GOLGA6L2: variants seen among roughly 807,000 people sequenced by gnomAD.
GOLGA6L2 encodes the protein golgin A6 family like 2.
GOLGA6L2 carries 30 observed loss-of-function variants against 35.9 expected under a neutral mutation model. The observed-to-expected ratio is 0.83, with a 90% CI of 0.62 to 1.13. The LOEUF (loss-of-function observed/expected upper bound fraction) is 1.13. Ranked by LOEUF, GOLGA6L2 falls within the 50% of genes most tolerant of loss-of-function variation. GOLGA6L2 has a pLI of 0.00. For synonymous variants in GOLGA6L2, 297 were observed against 344.0 expected, an observed-to-expected ratio of 0.86 and a Z score of 1.51; for missense variants, 821 against 973.4, an observed-to-expected ratio of 0.84 and a Z score of 2.08.
In GOLGA6L2 at chr15:23,440,639, GTCT is replaced by G. The variant is rs1290704203; in HGVS notation, c.1833_1835del (p.Glu611del). On this transcript the variant is annotated inframe_deletion, in exon 8 of 8. Transcript: ENST00000567107. Reference sequence around the variant, plus strand: ...CCATGTCTTCTTCTCCTGCTCCTGCGTCTTCTTCTCCTCCCGCATCTTCTCCTC... The same window carrying G: ...CCATGTCTTCTTCTCCTGCTCCTGCGTCTTCTCCTCCCGCATCTTCTCCTC... 7 of 1,387,330 alleles carry G rather than the reference GTCT, an allele frequency of 5.0e-6. No homozygotes were observed. The highest frequency in any genetic ancestry group is 6.9e-6 in the Non-Finnish European group (7 of 1,020,654). 85.9% of individuals were successfully genotyped at this position (1,387,330 alleles called of 1,614,324 possible).
intron 3 of GOLGA6L2, 103 bp from the exon 4 acceptor site, chr15:23,444,315 A>T (rs1427807560): frequency 1.3e-6 from 2 of 1,486,792 alleles, no homozygotes. Context: ...AGGCGCACCC[A>T]TGGGACCAGG....
rs12594944 is a variant in GOLGA6L2 at position 23,442,067 on chromosome 15, C to T, written c.704G>A (p.Arg235Gln). ...KKNAELQEKL[R>Q]LAESEKSEIQ... The stretch of plus-strand genomic sequence containing the variant: ...CTCAGACTTTTCAGATTCTGCAAGT[C>T]GAAGTTTTTCTTGTAGTTCGGCATT... Residue 235 changes from arginine to glutamine, a missense_variant, in exon 7 of 8, where the codon CGA becomes CAA. This residue lies in a region of GOLGA6L2 where 614 missense variants were observed against 632.3 expected (regional missense o/e 0.97). Coordinates refer to ENST00000567107, the MANE Select transcript of GOLGA6L2 (RefSeq NM_001304388.2). The T allele has an allele frequency of 2.4e-5, 37 of 1,544,596 alleles. No individual in the cohort carries two copies. Among genetic ancestry groups the T allele is most frequent in the Non-Finnish European group, 3.1e-5 (36 of 1,151,782 alleles).
In GOLGA6L2 at chr15:23,442,450, G is replaced by A. The variant is rs776744234; in HGVS notation, c.650C>T (p.Thr217Ile). The change falls in exon 6 of 8, where the codon ACC becomes ATC. Residue 217 changes from threonine (T) to isoleucine (I), a missense_variant and splice_region_variant. Transcript: ENST00000567107. ...DALSLELYRN[T>I]ITNEELKKKN... ...CCCATCCCACCTTCCCCCATCCTAC[G>A]TGTTCCTGTACAGTTCCAGACTCAG... is the stretch of plus-strand genomic sequence containing the variant. The A allele has an allele frequency of 1.5e-5, 23 of 1,579,934 alleles. No individual in the cohort carries two copies. The highest frequency in any genetic ancestry group is 3.3e-4 in the Middle Eastern group (2 of 5,978).
At chr15:23,442,673 T>C (rs2070709413) in intron 5 of GOLGA6L2, among the ~76,000 whole-genome samples, 165 bp from the exon 6 acceptor site, 1 of 7,022 alleles carries the variant, frequency 1.4e-4, no homozygotes, top group Non-Finnish European at 8.2e-4. Context: ...TTTTTTTTCT[T>C]TTTTTTTTTC....
chr15:23,444,489 G>A lies in GOLGA6L2; in HGVS notation c.225C>T (p.Asn75=). Residue 75 remains asparagine (N), a synonymous_variant, in exon 3 of 8, where the codon AAC becomes AAT. Coordinates refer to ENST00000567107, the MANE Select transcript of GOLGA6L2 (RefSeq NM_001304388.2). ...ACGTTACTTCTTTCAGCTGCGCTCG[G>A]TTCTGTTGTGTCTGTGGGGAGAGTC... ...GCHSPEDTQQ[N]RAQLKEEKKA... is the part of the protein sequence containing the mutation. 3 of 1,599,872 alleles carry A rather than the reference G, an allele frequency of 1.9e-6. No individual in the cohort carries two copies. The highest frequency in any genetic ancestry group is 1.1e-5 in the South Asian group (1 of 91,020).
At chr15:23,442,551 G>T in intron 5 of GOLGA6L2, 43 bp from the exon 6 acceptor site, 4 of 1,558,902 alleles carry the variant, frequency 2.6e-6, no homozygotes, top group Non-Finnish European at 3.5e-6. Flanking sequence ...GCAGGCAGAA[G>T]AGCAGCTGGC....
intron 2 of GOLGA6L2, 39 bp from the exon 3 acceptor site, chr15:23,444,539 C>T (rs775895404): frequency 2.6e-5 from 41 of 1,591,792 alleles, no homozygotes; most frequent in Non-Finnish European, 3.2e-5. Flanking sequence ...GAGGGTGGCC[C>T]CCTGGACTCT....
At chr15:23,441,764 A>C (rs2141080852) in intron 7 of GOLGA6L2, 82 bp from the exon 8 acceptor site, 1 of 1,416,314 alleles carries the variant, frequency 7.1e-7, no homozygotes, top group African/African-American at 1.4e-5. Flanking sequence ...TCTTTAAAAA[A>C]AATTTTTAAG....
At position 23,441,535 on chromosome 15, in the gene GOLGA6L2, C is replaced by T. The variant is rs1232995776; in HGVS notation, c.940G>A (p.Glu314Lys). 2.9e-6 allele frequency: 4 copies of T among 1,401,014 alleles called. No homozygotes were observed. Among genetic ancestry groups the T allele is most frequent in the Admixed American group, 2.3e-5 (1 of 44,044 alleles). The allele number at this position is 1,401,014 out of a possible 1,614,324, so 86.8% of individuals were successfully genotyped here. A position where few individuals can be genotyped will look rare whatever the true frequency, so the allele number is the denominator to read the frequency against. The change falls in exon 8 of 8, where the codon GAG (glutamate) becomes AAG (lysine). Residue 314 changes from glutamate to lysine, a missense_variant. Glu to Lys is a moderately conservative substitution (Grantham distance 56). This residue lies in a region of GOLGA6L2 where 614 missense variants were observed against 632.3 expected (regional missense o/e 0.97). Coordinates refer to ENST00000567107, the MANE Select transcript of GOLGA6L2 (RefSeq NM_001304388.2). ...CTCTTCTCCTGTCTCCGCATCTTCT[C>T]CTCCTGCTCCCGCATCTTCCCCTCC... is the stretch of plus-strand genomic sequence containing the variant. ...EQEGKMREQE[E>K]KMRRQEKRLR...
chr15:23,443,496 C>G (rs2070721862), intron 5 of GOLGA6L2, among the ~76,000 whole-genome samples: 1 of 152,142 alleles, frequency 6.6e-6, no homozygotes, highest in Non-Finnish European at 1.5e-5. Context: ...TACCTTAACC[C>G]CTGCCTAGGA....
At position 23,441,127 on chromosome 15, in the gene GOLGA6L2, C is replaced by T; in HGVS notation, c.1348G>A (p.Glu450Lys). ...RDQEEKMQEEERIREREKKMR... is the reference protein window; with the variant it reads ...RDQEEKMQEEKRIREREKKMR... ...TTCTTCTCCCGCTCCCGTATCCTCT[C>T]CTCCTCTTGCATCTTCTCCTCCTGG... The change falls in exon 8 of 8, where the codon GAG (glutamate) becomes AAG (lysine). Residue 450 changes from glutamate to lysine, a missense_variant. Glu to Lys is a moderately conservative substitution (Grantham distance 56, BLOSUM62 1). Coordinates refer to ENST00000567107, the MANE Select transcript of GOLGA6L2 (RefSeq NM_001304388.2). The T allele has an allele frequency of 4.1e-6, 6 of 1,463,240 alleles. No homozygotes were observed. Among genetic ancestry groups the T allele is most frequent in the Non-Finnish European group, 5.5e-6 (6 of 1,089,942 alleles). The allele number at this position is 1,463,240 out of a possible 1,614,324, so 90.6% of individuals were successfully genotyped here.
chr15:23,439,623 A>T lies in GOLGA6L2; in HGVS notation c.*122T>A, dbSNP rs2070624395. 1 of 1,536,056 alleles carries T rather than the reference A, an allele frequency of 6.5e-7. No individual in the cohort carries two copies. The highest frequency in any genetic ancestry group is 1.4e-5 in the African/African-American group (1 of 72,824). ...CAGGAGGTACTGCCTAATCCTGGGC[A>T]CTGCTGGGCGTTCTTCATCCCACAA... is the stretch of plus-strand genomic sequence containing the variant. On this transcript the variant is annotated 3_prime_UTR_variant, in exon 8 of 8. Coordinates refer to ENST00000567107, the MANE Select transcript of GOLGA6L2 (RefSeq NM_001304388.2).
Position 23,439,442 on chromosome 15 carries a change from CTTTTCTTTTTTTT to C in GOLGA6L2, c.*290_*302del, listed in dbSNP as rs2070621439. The C allele has an allele frequency of 5.0e-6, 3 of 602,700 alleles. No individual in the cohort carries two copies. The highest frequency in any genetic ancestry group is 7.6e-6 in the Non-Finnish European group (3 of 393,780). 37.3% of individuals were successfully genotyped at this position (602,700 alleles called of 1,614,324 possible). ...TTTACCACAATTTAAAGTAAATTTT[CTTTTCTTTTTTTT>C]TTTTTTTTTCAAGTTTGTGCTCAGA... On this transcript the variant is annotated 3_prime_UTR_variant, in exon 8 of 8. Coordinates refer to ENST00000567107, the MANE Select transcript of GOLGA6L2 (RefSeq NM_001304388.2).
In GOLGA6L2 at chr15:23,439,509, A is replaced by T. The variant is rs1596037695; in HGVS notation, c.*236T>A. The T allele has an allele frequency of 8.7e-7, 1 of 1,146,062 alleles. No homozygotes were observed. The highest frequency in any genetic ancestry group is 1.2e-6 in the Non-Finnish European group (1 of 825,628). 71.0% of individuals were successfully genotyped at this position (1,146,062 alleles called of 1,614,324 possible). On this transcript the variant is annotated 3_prime_UTR_variant, in exon 8 of 8. Transcript: ENST00000567107. Reference sequence around the variant, plus strand: ...TATTCACACAGTGACATGGCGGCTTATGCTTCTGTAGGCCTTGTTGACAGT... The same window carrying T: ...TATTCACACAGTGACATGGCGGCTTTTGCTTCTGTAGGCCTTGTTGACAGT...
Position 23,444,495 on chromosome 15 carries a change from T to C in GOLGA6L2, c.219A>G (p.Gln73=). The C allele has an allele frequency of 6.3e-7, 1 of 1,599,770 alleles. No homozygotes were observed. Among genetic ancestry groups the C allele is most frequent in the Non-Finnish European group, 8.5e-7 (1 of 1,179,800 alleles). Residue 73 remains glutamine, a synonymous_variant, in exon 3 of 8, where the codon CAA becomes CAG. Transcript: ENST00000567107. ...CTTCTTTCAGCTGCGCTCGGTTCTGTTGTGTCTGTGGGGAGAGTCAAAGGA... is the reference window on the plus strand; with the variant it reads ...CTTCTTTCAGCTGCGCTCGGTTCTGCTGTGTCTGTGGGGAGAGTCAAAGGA... ...SEGCHSPEDT[Q]QNRAQLKEEK...
At position 23,441,454 on chromosome 15, in the gene GOLGA6L2, T is replaced by C. The variant is rs548858718; in HGVS notation, c.1021A>G (p.Lys341Glu). The change falls in exon 8 of 8, where the codon AAG becomes GAG. Residue 341 changes from lysine (K) to glutamate (E), a missense_variant. By Grantham distance (56) the Lys-to-Glu change is moderately conservative. Around this residue, in one of 7 missense-constraint regions of GOLGA6L2, gnomAD observed 614 missense variants for 632.3 expected, o/e 0.97. Coordinates refer to ENST00000567107, the MANE Select transcript of GOLGA6L2 (RefSeq NM_001304388.2). ...TGCTCCTCCTGCTCCCGCAGCTTCT[T>C]CTGCTCCCGCAGCTCCTTCTCCTGC... Reference protein sequence around the residue: ...REQEKELREQKKLREQEEQMQ... With the variant: ...REQEKELREQEKLREQEEQMQ... 237 of 1,381,814 alleles carry C rather than the reference T, an allele frequency of 1.7e-4. No homozygotes were observed. The highest frequency in any genetic ancestry group is 2.0e-4 in the Non-Finnish European group (208 of 1,040,326). The allele number at this position is 1,381,814 out of a possible 1,614,324, so 85.6% of individuals were successfully genotyped here. A position where few individuals can be genotyped will look rare whatever the true frequency, so the allele number is the denominator to read the frequency against.
intron 5 of GOLGA6L2, 91 bp from the exon 6 acceptor site, chr15:23,442,599 A>T: frequency 8.7e-7 from 1 of 1,143,604 alleles, no homozygotes; most frequent in South Asian, 1.3e-5. Flanking sequence ...CTCCACAGTA[A>T]CACTCCCTCA....
rs3038539 is a variant in GOLGA6L2 at position 23,439,185 on chromosome 15, CTG to C, written c.*558_*559del. ...TTTTTTTTTGAGATGGAATCTCGCT[CTG>C]TCATCCAGGCTGGAATGCGGTGGTG... is the stretch of plus-strand genomic sequence containing the variant. On this transcript the variant is annotated 3_prime_UTR_variant, in exon 8 of 8. Transcript: ENST00000567107. Among the ~76,000 whole-genome samples the C allele has an allele frequency of 0.74, 106,220 of 144,026 alleles. 41,829 individuals are homozygous for C. The highest frequency in any genetic ancestry group is 0.88 in the East Asian group (4,211 of 4,812). 94.5% of individuals were successfully genotyped at this position (144,026 alleles called of 152,430 possible). A position where few individuals can be genotyped will look rare whatever the true frequency, so the allele number is the denominator to read the frequency against.
chr15:23,441,687 A>T lies in GOLGA6L2; in HGVS notation c.793-5T>A. On this transcript the variant is annotated splice_region_variant and splice_polypyrimidine_tract_variant and intron_variant, in intron 7 of 7. Coordinates refer to ENST00000567107, the MANE Select transcript of GOLGA6L2 (RefSeq NM_001304388.2). ...CTGCAAAGTGTTGGTTTGAACCTCAAAAGGAAATAGACTTATGAACTAGCT... is the reference window on the plus strand; with the variant it reads ...CTGCAAAGTGTTGGTTTGAACCTCATAAGGAAATAGACTTATGAACTAGCT... 1 of 1,492,068 alleles carries T rather than the reference A, an allele frequency of 6.7e-7. No individual in the cohort carries two copies. Among genetic ancestry groups the T allele is most frequent in the Non-Finnish European group, 8.9e-7 (1 of 1,125,750 alleles). The allele number at this position is 1,492,068 out of a possible 1,614,324, so 92.4% of individuals were successfully genotyped here. A position where few individuals can be genotyped will look rare whatever the true frequency, so the allele number is the denominator to read the frequency against.
Sources: gnomAD v4.1 joint callset for allele counts (sites outside exome capture counted in the v4.1 genomes callset) on GRCh38, gnomAD v4.1.1 for gene constraint, gnomAD v4.1.1 regional missense constraint, MANE v1.5 for transcripts, NCBI Gene and HGNC (gene_info 2026-07-23, HGNC 2026-07-21) for gene names.